Variants in TMEM132D observed in about 807,000 individuals in gnomAD.
TMEM132D encodes transmembrane protein 132D, also known as mature OL transmembrane protein.
A neutral mutation model predicts 62.3 loss-of-function variants in TMEM132D; 21 were observed. The observed-to-expected ratio is 0.34, with a 90% CI of 0.24 to 0.49. The LOEUF (loss-of-function observed/expected upper bound fraction) is 0.49, where lower values mean the gene tolerates loss of function less well. Among genes scored for constraint, TMEM132D ranks in the 20% least tolerant of loss-of-function variants. TMEM132D has a pLI of 0.99. For missense variants in TMEM132D, 1,346 were observed against 1,402.8 expected (o/e 0.96, Z 0.65); for synonymous variants, 621 against 575.6 (o/e 1.08, Z -1.13).
intron 5 of TMEM132D, among the ~76,000 whole-genome samples, chr12:129,156,944 A>G (rs567892744): frequency 6.6e-6 from 1 of 152,304 alleles, no homozygotes; most frequent in South Asian, 2.1e-4. Context: ...CACTCCTGTG[A>G]TAACTAACCC....
intron 1 of TMEM132D, among the ~76,000 whole-genome samples, chr12:129,754,271 T>C (rs749445869): frequency 1.1e-4 from 16 of 152,174 alleles, no homozygotes; most frequent in Non-Finnish European, 2.1e-4. Context: ...AGAAAGAATA[T>C]ATGCCATAAA....
chr12:129,248,641 G>T (rs968723192), intron 4 of TMEM132D, among the ~76,000 whole-genome samples: 1 of 152,000 alleles, frequency 6.6e-6, no homozygotes, highest in Non-Finnish European at 1.5e-5. Context: ...TTGTTGTACA[G>T]ATTATTTCAT....
intron 1 of TMEM132D, among the ~76,000 whole-genome samples, chr12:129,891,602 T>A (rs956539512): frequency 1.3e-5 from 2 of 152,154 alleles, no homozygotes; most frequent in African/African-American, 4.8e-5. Flanking sequence ...GCTCTCCTCA[T>A]ACTTTTTTGG....
At chr12:129,203,056 C>G (rs1276048924) in intron 5 of TMEM132D, among the ~76,000 whole-genome samples, 2 of 152,186 alleles carry the variant, frequency 1.3e-5, no homozygotes, top group African/African-American at 4.8e-5. Context: ...TTTCTCCATG[C>G]CTACTGAACA....
chr12:129,550,711 T>A (rs901232895), intron 2 of TMEM132D, among the ~76,000 whole-genome samples: 1 of 152,248 alleles, frequency 6.6e-6, no homozygotes, highest in African/African-American at 2.4e-5. Flanking sequence ...AAGGGACAGC[T>A]TGTACCTTCT....
chr12:129,458,122 G>A (rs1873540048), intron 3 of TMEM132D, among the ~76,000 whole-genome samples: 1 of 152,152 alleles, frequency 6.6e-6, no homozygotes. Flanking sequence ...AGTCTCTGGT[G>A]CCTCAACGTC....
At chr12:129,679,169 T>C (rs1281068697) in intron 2 of TMEM132D, among the ~76,000 whole-genome samples, 1 of 152,038 alleles carries the variant, frequency 6.6e-6, no homozygotes, top group Non-Finnish European at 1.5e-5. Flanking sequence ...ACATTGGCTC[T>C]ATGGATTAAT....
In TMEM132D at chr12:129,652,885, G is replaced by A. The variant is rs564640926; in HGVS notation, c.968+46925C>T. Among the ~76,000 whole-genome samples, 4 of 152,278 alleles carry A rather than the reference G, an allele frequency of 2.6e-5. No homozygotes were observed. The East Asian group carries it at 7.7e-4, about 29-fold the overall frequency. ...ACTGGATGTAAAGTCATGACCCAAGGTGTCTGTTCACATGGTCTCTGCCTG... is the reference window on the plus strand; with the variant it reads ...ACTGGATGTAAAGTCATGACCCAAGATGTCTGTTCACATGGTCTCTGCCTG... On this transcript the variant is annotated intron_variant, in intron 2 of 8. Transcript: ENST00000422113.
chr12:129,306,873 G>A (rs1217519351), intron 4 of TMEM132D, among the ~76,000 whole-genome samples: 5 of 152,184 alleles, frequency 3.3e-5, no homozygotes, highest in Admixed American at 6.5e-5. Flanking sequence ...AAGACAGTCT[G>A]CAGACCTGGA....
intron 5 of TMEM132D, among the ~76,000 whole-genome samples, chr12:129,142,173 T>C (rs950070469): frequency 6.6e-6 from 1 of 152,100 alleles, no homozygotes; most frequent in Non-Finnish European, 1.5e-5. Flanking sequence ...ACCGTATCTA[T>C]AAAGAAAATC....
At chr12:129,514,134 C>A (rs148623833) in intron 3 of TMEM132D, among the ~76,000 whole-genome samples, 1 of 152,088 alleles carries the variant, frequency 6.6e-6, no homozygotes, top group African/African-American at 2.4e-5. Flanking sequence ...CCACCGAGCC[C>A]GGCCAATGGG....
At chr12:129,532,557 G>A (rs972928014) in intron 2 of TMEM132D, among the ~76,000 whole-genome samples, 5 of 152,226 alleles carry the variant, frequency 3.3e-5, no homozygotes, top group African/African-American at 1.2e-4. Flanking sequence ...AAAGACCTGA[G>A]GCTGCAGGCT....
chr12:129,801,091 G>T (rs1303074333), intron 1 of TMEM132D, among the ~76,000 whole-genome samples: 1 of 152,196 alleles, frequency 6.6e-6, no homozygotes, highest in Non-Finnish European at 1.5e-5. Context: ...CTGATGGCTA[G>T]CACAGCAGTC....
intron 2 of TMEM132D, among the ~76,000 whole-genome samples, chr12:129,657,621 A>C (rs1301358541): frequency 6.6e-6 from 1 of 152,194 alleles, no homozygotes; most frequent in Non-Finnish European, 1.5e-5. Context: ...CAGTTTATAA[A>C]AATGTACGGG....
At chr12:129,447,729 T>C (rs1209193956) in intron 3 of TMEM132D, among the ~76,000 whole-genome samples, 1 of 152,214 alleles carries the variant, frequency 6.6e-6, no homozygotes, top group East Asian at 1.9e-4. Flanking sequence ...TGAAGTTTTC[T>C]ACATATGCAA....
intron 4 of TMEM132D, among the ~76,000 whole-genome samples, chr12:129,305,824 A>G (rs1881835132): frequency 6.6e-6 from 1 of 152,202 alleles, no homozygotes; most frequent in African/African-American, 2.4e-5. Context: ...TGCTGGGTGC[A>G]TAGTAAGAAT....
At chr12:129,819,444 G>A (rs1402837578) in intron 1 of TMEM132D, among the ~76,000 whole-genome samples, 2 of 152,010 alleles carry the variant, frequency 1.3e-5, no homozygotes, top group East Asian at 1.9e-4. Flanking sequence ...TCAGATCTCC[G>A]TGCAAGCAAG....
At chr12:129,811,304 TC>T (rs1365667193) in intron 1 of TMEM132D, among the ~76,000 whole-genome samples, 1 of 151,570 alleles carries the variant, frequency 6.6e-6, no homozygotes, top group African/African-American at 2.4e-5. Flanking sequence ...CGGTCCTGCC[TC>T]CCTCCTTGTT....
chr12:129,875,717 G>A (rs977278394), intron 1 of TMEM132D, among the ~76,000 whole-genome samples: 2 of 152,244 alleles, frequency 1.3e-5, no homozygotes, highest in Admixed American at 6.5e-5. Context: ...AAAAGCATGC[G>A]CCTCATCCCA....
Sources: gnomAD v4.1 joint callset for allele counts (sites outside exome capture counted in the v4.1 genomes callset) on GRCh38, gnomAD v4.1.1 for gene constraint, MANE v1.5 for transcripts, NCBI Gene and HGNC (gene_info 2026-07-23, HGNC 2026-07-21) for gene names.